The following PKD1L1 variants were observed in gnomAD, a reference collection of about 807,000 sequenced individuals.
PKD1L1 encodes polycystin-1-like protein 1.
A neutral mutation model predicts 323.4 loss-of-function variants in PKD1L1; 236 were observed. That is an observed-to-expected ratio of 0.73 (90% CI 0.66 to 0.81). The LOEUF is 0.81. PKD1L1 is among the 40% of genes least tolerant of loss of function. The pLI, the probability that PKD1L1 is intolerant of heterozygous loss-of-function variation, is 0.00. For synonymous variants in PKD1L1, 1,344 were observed against 1,335.0 expected, an observed-to-expected ratio of 1.01 and a Z score of -0.15; for missense variants, 3,320 against 3,508.0, an observed-to-expected ratio of 0.95 and a Z score of 1.35.
At chr7:47,803,901 G>A (rs937468261) in intron 52 of PKD1L1, among the ~76,000 whole-genome samples, 2 of 152,148 alleles carry the variant, frequency 1.3e-5, no homozygotes, top group Non-Finnish European at 2.9e-5. Context: ...ACAACTGGGG[G>A]GCATGGCAGA....
chr7:47,879,318 C>A (rs1030402951), intron 21 of PKD1L1, among the ~76,000 whole-genome samples: 2 of 152,102 alleles, frequency 1.3e-5, no homozygotes, highest in African/African-American at 4.8e-5. Context: ...GGATGTTGAA[C>A]CAAACCTATC....
intron 56 of PKD1L1, among the ~76,000 whole-genome samples, chr7:47,776,222 G>A (rs562066117): frequency 5.9e-5 from 9 of 152,270 alleles, no homozygotes; most frequent in African/African-American, 2.2e-4. Flanking sequence ...TGGCATCTCT[G>A]GTGAATTCTA....
chr7:47,805,196 T>G (rs1784752491), intron 52 of PKD1L1, among the ~76,000 whole-genome samples: 1 of 152,162 alleles, frequency 6.6e-6, no homozygotes, highest in Non-Finnish European at 1.5e-5. Context: ...GTTAAGAAAC[T>G]TGCCCAATGG....
chr7:47,792,212 T>C (rs931513521), intron 56 of PKD1L1, among the ~76,000 whole-genome samples: 1 of 152,230 alleles, frequency 6.6e-6, no homozygotes, highest in Non-Finnish European at 1.5e-5. Context: ...TTCTGTGTGC[T>C]CTTGGAAATG....
chr7:47,866,726 A>C, intron 24 of PKD1L1, 112 bp from the exon 25 acceptor site: 1 of 812,640 alleles, frequency 1.2e-6, no homozygotes, highest in Non-Finnish European at 1.9e-6. Flanking sequence ...TGGACAGGGC[A>C]GGGTAGAAAG....
intron 45 of PKD1L1, among the ~76,000 whole-genome samples, chr7:47,823,676 G>C (rs532626156): frequency 4.2e-4 from 64 of 152,252 alleles, no homozygotes; most frequent in African/African-American, 1.3e-3. Context: ...ATTGACCACT[G>C]TTAATGAGCA....
chr7:47,949,156 G>A (rs1788162461), upstream of PKD1L1, among the ~76,000 whole-genome samples: 1 of 151,768 alleles, frequency 6.6e-6, no homozygotes, highest in South Asian at 2.1e-4. Flanking sequence ...GGATCACGAG[G>A]TCAGGAGCTC....
chr7:47,801,235 AG>A (rs1233700508), intron 53 of PKD1L1, among the ~76,000 whole-genome samples: 3 of 152,072 alleles, frequency 2.0e-5, no homozygotes, highest in African/African-American at 7.2e-5. Context: ...GGTTGCCATG[AG>A]GGGGCAGCTC....
chr7:47,890,794 G>A (rs772405610), intron 15 of PKD1L1, 31 bp from the exon 16 acceptor site: 1 of 1,594,190 alleles, frequency 6.3e-7, no homozygotes. Context: ...GTGGCTGAGG[G>A]GAGCATCAGG....
intron 46 of PKD1L1, among the ~76,000 whole-genome samples, chr7:47,818,677 C>T (rs377599740): frequency 3.9e-5 from 6 of 152,096 alleles, no homozygotes; most frequent in South Asian, 2.1e-4. Flanking sequence ...TATTAGTTAC[C>T]GCAATTATAT....
intron 52 of PKD1L1, among the ~76,000 whole-genome samples, chr7:47,807,843 T>G (rs1051031750): frequency 6.6e-6 from 1 of 152,192 alleles, no homozygotes; most frequent in Non-Finnish European, 1.5e-5. Context: ...TGAGCTTTGG[T>G]GTCTTCACTT....
chr7:47,919,151 GA>G (rs1462060252), intron 7 of PKD1L1, among the ~76,000 whole-genome samples: 1 of 152,000 alleles, frequency 6.6e-6, no homozygotes. Flanking sequence ...AAAGAAGACA[GA>G]AAATCCAAAT....
At chr7:47,928,356 G>A in intron 7 of PKD1L1, among the ~76,000 whole-genome samples, 1 of 152,126 alleles carries the variant, frequency 6.6e-6, no homozygotes, top group East Asian at 1.9e-4. Context: ...ATCACTTGAG[G>A]TCAGGAGTTT....
At chr7:47,817,067 C>T (rs1259000745) in intron 46 of PKD1L1, among the ~76,000 whole-genome samples, 1 of 152,132 alleles carries the variant, frequency 6.6e-6, no homozygotes, top group Admixed American at 6.5e-5. Context: ...GAGACCCTGT[C>T]TCTACTAAAA....
chr7:47,821,993 G>C (rs912191861), intron 45 of PKD1L1, among the ~76,000 whole-genome samples: 1 of 151,948 alleles, frequency 6.6e-6, no homozygotes, highest in African/African-American at 2.4e-5. Flanking sequence ...CCGGCCCCCA[G>C]CACCATTTTT....
chr7:47,855,112 A>G, intron 29 of PKD1L1, 43 bp downstream of exon 29: 2 of 1,609,820 alleles, frequency 1.2e-6, no homozygotes, highest in Non-Finnish European at 1.7e-6. Flanking sequence ...ATCAGCCAGC[A>G]CAGCCTAAAT....
At position 47,775,135 on chromosome 7, in the gene PKD1L1, C is replaced by T. The variant is rs759394407; in HGVS notation, c.*8G>A. On this transcript the variant is annotated 3_prime_UTR_variant, in exon 57 of 57. Coordinates refer to ENST00000289672, the MANE Select transcript of PKD1L1 (RefSeq NM_138295.5). Reference sequence around the variant, plus strand: ...GGTCCATAGTGCCTATGCAAGGTACCAGGCTCCTCAGAAGTCCTTGATGTC... The same window carrying T: ...GGTCCATAGTGCCTATGCAAGGTACTAGGCTCCTCAGAAGTCCTTGATGTC... The T allele has an allele frequency of 1.2e-6, 2 of 1,613,828 alleles. No individual in the cohort carries two copies. Among genetic ancestry groups the T allele is most frequent in the African/African-American group, 2.7e-5 (2 of 74,916 alleles).
chr7:47,887,143 C>A (rs1786702823), intron 17 of PKD1L1, among the ~76,000 whole-genome samples: 1 of 152,208 alleles, frequency 6.6e-6, no homozygotes, highest in Non-Finnish European at 1.5e-5. Context: ...GCCTCTCTTG[C>A]CAAGAAGGGC....
intron 41 of PKD1L1, among the ~76,000 whole-genome samples, chr7:47,832,717 G>A (rs1274615512): frequency 6.6e-6 from 1 of 152,230 alleles, no homozygotes. Flanking sequence ...GGTTGTTCTA[G>A]GGTAATCCCT....
Sources: allele counts gnomAD v4.1 joint callset (sites outside exome capture counted in the v4.1 genomes callset), GRCh38; gene constraint gnomAD v4.1.1; transcripts MANE v1.5; gene names NCBI Gene and HGNC (gene_info 2026-07-23, HGNC 2026-07-21).